TRPM1: variants seen among roughly 807,000 people sequenced by gnomAD.
The protein encoded by TRPM1 is transient receptor potential cation channel subfamily M member 1, also known as TRPM1-203 APA Isoform, Intron 10.
Under a neutral mutation model 149.4 loss-of-function variants are expected in TRPM1, and 113 were observed. The observed-to-expected ratio is 0.76, with a 90% CI of 0.65 to 0.88. TRPM1 has a LOEUF of 0.88. TRPM1 is among the 40% of genes least tolerant of loss of function. TRPM1 has a pLI of 0.00. For synonymous variants in TRPM1, 741 were observed against 759.5 expected, an observed-to-expected ratio of 0.98 and a Z score of 0.40; for missense variants, 1,976 against 2,038.7, an observed-to-expected ratio of 0.97 and a Z score of 0.59.
intron 27 of TRPM1, among the ~76,000 whole-genome samples, chr15:31,004,695 C>T (rs1468894679): frequency 6.6e-6 from 1 of 152,098 alleles, no homozygotes; most frequent in East Asian, 1.9e-4. Context: ...GTATCACAGG[C>T]ACTGTAGGTT....
At chr15:31,137,615 T>A (rs1054702521) in intron 1 of TRPM1, among the ~76,000 whole-genome samples, 1 of 152,120 alleles carries the variant, frequency 6.6e-6, no homozygotes, top group African/African-American at 2.4e-5. Context: ...TTTAAAAAAT[T>A]CACTGTGAAG....
At chr15:31,105,024 A>C (rs1479898950), upstream of TRPM1, among the ~76,000 whole-genome samples, 2 of 152,214 alleles carry the variant, frequency 1.3e-5, no homozygotes, top group African/African-American at 2.4e-5. Flanking sequence ...GGCAAGAAAA[A>C]GGTTTCCATC....
intron 1 of TRPM1, among the ~76,000 whole-genome samples, chr15:31,128,427 A>G (rs72714635): frequency 2.6e-5 from 4 of 152,218 alleles, no homozygotes; most frequent in Non-Finnish European, 5.9e-5. Flanking sequence ...CTCCTGACTC[A>G]TGAACCATAA....
In TRPM1 at chr15:31,001,779, T is replaced by A; in HGVS notation, c.*43A>T. 1.3e-6 allele frequency: 2 copies of A among 1,585,696 alleles called. No homozygotes were observed. The highest frequency in any genetic ancestry group is 1.7e-6 in the Non-Finnish European group (2 of 1,170,324). On this transcript the variant is annotated 3_prime_UTR_variant, in exon 28 of 28. Coordinates refer to ENST00000256552, the MANE Select transcript of TRPM1 (RefSeq NM_001252024.2). ...AGATGGCCAAGATGACACCCATTAG[T>A]GGTTCTGACTGTTAAAAAAAAAAAT...
chr15:31,121,288 T>C (rs1158095723), intron 1 of TRPM1, among the ~76,000 whole-genome samples: 1 of 136,202 alleles, frequency 7.3e-6, no homozygotes, highest in Non-Finnish European at 1.6e-5. Flanking sequence ...CTTAGAAAAG[T>C]AGAAAGAAGA....
rs2036008972 is a variant in TRPM1, at chr15:31,130,966, G to A, written c.54+29940C>T. On this transcript the variant is annotated intron_variant, in intron 1 of 26. Coordinates refer to the TRPM1 transcript ENST00000542188. The stretch of plus-strand genomic sequence containing the variant: ...TTGATAAATTGGCTCTGTCTAGGCA[G>A]AGGGCAAGGAGAATCCGTTGGGCAA... Among the ~76,000 whole-genome samples, 2 of 152,190 alleles carry A rather than the reference G, an allele frequency of 1.3e-5. 1 individual carries two copies. The highest frequency in any genetic ancestry group is 4.1e-4 in the South Asian group (2 of 4,830).
rs191791875 is a variant in TRPM1 at position 31,128,228 on chromosome 15, C to T, written c.54+32678G>A. 2.6e-5 allele frequency among the ~76,000 whole-genome samples: 4 copies of T among 152,274 alleles called. No homozygotes were observed. In the East Asian group the frequency reaches 7.7e-4, roughly 29 times the overall value. On this transcript the variant is annotated intron_variant, in intron 1 of 26. Transcript: ENST00000542188. ...ACCCAGGAGCAATATTTACAGTATT[C>T]AACAATCACTATCAATCAATGTTCA...
chr15:31,094,112 AAGAC>A (rs1184074820), intron 1 of TRPM1, among the ~76,000 whole-genome samples: 1 of 152,216 alleles, frequency 6.6e-6, no homozygotes, highest in African/African-American at 2.4e-5. Flanking sequence ...AATGGGGGAA[AAGAC>A]AGTCTTGTCA....
At chr15:31,003,867 T>TC (rs140518788) in intron 27 of TRPM1, among the ~76,000 whole-genome samples, 4,558 of 152,094 alleles carry the variant, frequency 0.03, 89 homozygotes, top group Non-Finnish European at 0.049. Context: ...TTTTTTTTTT[T>TC]CAGTTCTTAG....
At chr15:31,076,735 G>A (rs2034703663) in intron 3 of TRPM1, among the ~76,000 whole-genome samples, 170 bp downstream of exon 3, 1 of 152,162 alleles carries the variant, frequency 6.6e-6, no homozygotes, top group African/African-American at 2.4e-5. Context: ...GAAGCCATTT[G>A]CATGTTAATG....
intron 1 of TRPM1, among the ~76,000 whole-genome samples, chr15:31,124,654 C>CAAAAA: frequency 1.2e-5 from 1 of 86,408 alleles, no homozygotes; most frequent in Non-Finnish European, 2.3e-5. Context: ...GACTCTGTCT[C>CAAAAA]AAAAAAAAAA....
intron 12 of TRPM1, 38 bp from the exon 13 acceptor site, chr15:31,049,547 C>T (rs2140939783): frequency 1.9e-6 from 3 of 1,612,400 alleles, no homozygotes; most frequent in Non-Finnish European, 2.5e-6. Flanking sequence ...TGAGTGGCCT[C>T]TCAGAGACAC....
At chr15:31,150,395 G>A (rs934499472) in intron 1 of TRPM1, among the ~76,000 whole-genome samples, 28 of 151,632 alleles carry the variant, frequency 1.8e-4, no homozygotes, top group African/African-American at 5.8e-4. Context: ...GGTCAGGCAG[G>A]CAGTTAGGGT....
At chr15:31,049,569 G>T in intron 12 of TRPM1, 60 bp from the exon 13 acceptor site, 1 of 1,601,852 alleles carries the variant, frequency 6.2e-7, no homozygotes, top group Non-Finnish European at 8.5e-7. Context: ...GGGGAGGGGG[G>T]CGACTGGAAA....
chr15:31,161,114 C>G, exon 1 of TRPM1: 1 of 728,022 alleles, frequency 1.4e-6, no homozygotes, highest in Admixed American at 2.5e-5. Flanking sequence ...GCGAGGGGGC[C>G]GAGATCCTGG....
intron 1 of TRPM1, among the ~76,000 whole-genome samples, chr15:31,114,493 A>T (rs1001500931): frequency 6.6e-6 from 1 of 152,222 alleles, no homozygotes; most frequent in Non-Finnish European, 1.5e-5. Flanking sequence ...ATGAACTCCA[A>T]GCATAATAAA....
Position 31,040,176 on chromosome 15 carries a change from A to T in TRPM1, c.2258T>A (p.Met753Lys), listed in dbSNP as rs764558698. ...RDFIAHTCSQ[M>K]LLTDMWMGRL... The stretch of plus-strand genomic sequence containing the variant: ...TCCCATCCACATATCGGTCAGCAGC[A>T]TCTGGCTGCAGGTGTGAGCAATGAA... Residue 753 changes from methionine to lysine, a missense_variant, in exon 18 of 28, where the codon ATG becomes AAG. Met to Lys is a moderately conservative substitution (Grantham distance 95, BLOSUM62 -1). Around this residue, in one of 3 missense-constraint regions of TRPM1, gnomAD observed 1,332 missense variants for 1,347.1 expected, o/e 0.99. Coordinates refer to ENST00000256552, the MANE Select transcript of TRPM1 (RefSeq NM_001252024.2). The surrounding 1 kb of genome is among the most constrained non-coding windows in gnomAD (Gnocchi z 4.2). 1 of 1,614,200 alleles carries T rather than the reference A, an allele frequency of 6.2e-7. No homozygotes were observed. The highest frequency in any genetic ancestry group is 8.5e-7 in the Non-Finnish European group (1 of 1,180,014).
intron 17 of TRPM1, among the ~76,000 whole-genome samples, chr15:31,041,372 G>A (rs547246469): frequency 2.6e-5 from 4 of 152,158 alleles, no homozygotes; most frequent in South Asian, 2.1e-4. Context: ...GGATGGTCTC[G>A]ATCTCCTGAC....
At position 31,067,866 on chromosome 15, in the gene TRPM1, G is replaced by C. The variant is rs372144508; in HGVS notation, c.493+13C>G. The C allele has an allele frequency of 6.2e-7, 1 of 1,611,846 alleles. No individual in the cohort carries two copies. The highest frequency in any genetic ancestry group is 8.5e-7 in the Non-Finnish European group (1 of 1,179,654). ...GTACATTGATTATCGGGAGGGAAAG[G>C]GCCTGCTCTTACCTGTGCTGACACC... On this transcript the variant is annotated intron_variant, in intron 5 of 27. Coordinates refer to ENST00000256552, the MANE Select transcript of TRPM1 (RefSeq NM_001252024.2).
Sources: gnomAD v4.1 joint callset for allele counts (sites outside exome capture counted in the v4.1 genomes callset) on GRCh38, gnomAD v4.1.1 for gene constraint, gnomAD v4.1.1 regional missense constraint, Gnocchi (gnomAD v3.1) non-coding constraint, MANE v1.5 for transcripts, NCBI Gene and HGNC (gene_info 2026-07-23, HGNC 2026-07-21) for gene names.